PCDHA3: variants seen among roughly 807,000 people sequenced by gnomAD.
PCDHA3 encodes protocadherin alpha-3.
A neutral mutation model predicts 62.2 loss-of-function variants in PCDHA3; 41 were observed. That is an observed-to-expected ratio of 0.66 (90% CI 0.51 to 0.86). The LOEUF is 0.86. Ranked by LOEUF, PCDHA3 falls within the 40% of genes least tolerant of loss-of-function variation. The pLI is 0.00. For missense variants in PCDHA3, 1,304 were observed against 1,241.2 expected (o/e 1.05, Z -0.76); for synonymous variants, 640 against 555.4 (o/e 1.15, Z -2.14).
chr5:140,904,423 T>TTA (rs1304104435), intron 1 of PCDHA3, among the ~76,000 whole-genome samples: 1 of 151,090 alleles, frequency 6.6e-6, no homozygotes. Flanking sequence ...TACATATATT[T>TTA]TATATATATG....
chr5:140,823,659 C>G (rs1562273954), intron 1 of PCDHA3: 4 of 1,613,984 alleles, frequency 2.5e-6, no homozygotes, highest in East Asian at 4.5e-5. Flanking sequence ...TGTACACAGG[C>G]GAGATCAGCA....
chr5:140,984,359 T>A (rs1372089743), intron 3 of PCDHA3, among the ~76,000 whole-genome samples: 1 of 152,242 alleles, frequency 6.6e-6, no homozygotes, highest in Non-Finnish European at 1.5e-5. Flanking sequence ...ATTTCATACA[T>A]CTGGCCAAGT....
intron 1 of PCDHA3, among the ~76,000 whole-genome samples, chr5:140,914,439 T>G (rs1352001626): frequency 6.6e-6 from 1 of 152,192 alleles, no homozygotes; most frequent in Admixed American, 6.6e-5. Flanking sequence ...TCTTTTCCCA[T>G]GTCTTTATTT....
chr5:140,927,630 A>G (rs1408351955), intron 1 of PCDHA3: 3 of 1,614,064 alleles, frequency 1.9e-6, no homozygotes, highest in Non-Finnish European at 2.5e-6. Flanking sequence ...CAGAGACTGC[A>G]CCCAATGGGA....
intron 1 of PCDHA3, chr5:140,810,004 A>G (rs1369624194): frequency 1.3e-5 from 2 of 155,054 alleles, no homozygotes; most frequent in African/African-American, 2.4e-5. Context: ...CACTTCCCTT[A>G]TTTTTCCTCC....
rs70988781 is a variant in PCDHA3 at position 140,941,319 on chromosome 5, CTT to C, written c.2395-37616_2395-37615del. Among the ~76,000 whole-genome samples, 109 of 104,374 alleles carry C rather than the reference CTT, an allele frequency of 1.0e-3. 2 individuals are homozygous for C. Among genetic ancestry groups the C allele is most frequent in the East Asian group, 2.8e-3 (11 of 3,932 alleles). The allele number at this position is 104,374 out of a possible 152,430, so 68.5% of individuals were successfully genotyped here. A position where few individuals can be genotyped will look rare whatever the true frequency, so the allele number is the denominator to read the frequency against. ...TTCTTTCTTTCTTTTTCTTCTTTCT[CTT>C]TTTTTTTTTTTTTCAGATGGAGTCT... On this transcript the variant is annotated intron_variant, in intron 1 of 3. Coordinates refer to ENST00000522353, the MANE Select transcript of PCDHA3 (RefSeq NM_018906.3).
intron 1 of PCDHA3, among the ~76,000 whole-genome samples, chr5:140,961,208 A>T (rs1268712075): frequency 1.3e-5 from 2 of 152,164 alleles, no homozygotes; most frequent in African/African-American, 4.8e-5. Flanking sequence ...GTTGGTATTG[A>T]TGAAGAAACT....
intron 1 of PCDHA3, among the ~76,000 whole-genome samples, chr5:140,894,474 T>C (rs1333675195): frequency 6.6e-6 from 1 of 152,022 alleles, no homozygotes; most frequent in Non-Finnish European, 1.5e-5. Flanking sequence ...TTATTCTTGT[T>C]TTCATCTTAT....
chr5:140,876,718 G>A (rs1554168825), intron 1 of PCDHA3: 4 of 1,614,124 alleles, frequency 2.5e-6, no homozygotes, highest in African/African-American at 2.7e-5. Context: ...CCTGGACCGC[G>A]AGAGCGTGTC....
intron 1 of PCDHA3, chr5:140,836,622 A>AGCTGGTCATTCTCCCAGCAGAGGCG (rs2150266108): frequency 1.2e-6 from 2 of 1,613,448 alleles, no homozygotes; most frequent in Non-Finnish European, 1.7e-6. Context: ...CGCGGTGGGG[A>AGCTGGTCATTCTCCCAGCAGAGGCG]GCTGGTCATT....
intron 1 of PCDHA3, among the ~76,000 whole-genome samples, chr5:140,893,595 T>C (rs13187419): frequency 0.05 from 7,691 of 152,298 alleles, 276 homozygotes; most frequent in Non-Finnish European, 0.072. Context: ...GGAAATACTT[T>C]ATTTCTCCTT....
chr5:140,972,820 C>A (rs1247488574), intron 1 of PCDHA3, among the ~76,000 whole-genome samples: 3 of 151,964 alleles, frequency 2.0e-5, no homozygotes, highest in Admixed American at 6.6e-5. Context: ...CGCGCCACCA[C>A]GCCTGGCTAA....
Position 140,928,713 on chromosome 5 carries a change from T to C in PCDHA3, c.2395-50236T>C, listed in dbSNP as rs535812769. The C allele has an allele frequency of 3.1e-6, 5 of 1,614,142 alleles. No individual in the cohort carries two copies. In the African/African-American group the frequency reaches 6.7e-5, roughly 22 times the overall value. ...ACATCTCCCGGGCGTCTGACTCTAG[T>C]CTCTTTAGAATTTCAGCCAATATAG... On this transcript the variant is annotated intron_variant, in intron 1 of 3. Coordinates refer to ENST00000522353, the MANE Select transcript of PCDHA3 (RefSeq NM_018906.3).
intron 1 of PCDHA3, chr5:140,927,200 A>C (rs2083965383): frequency 6.2e-7 from 1 of 1,613,898 alleles, no homozygotes; most frequent in Non-Finnish European, 8.5e-7. Context: ...GTGCTCGAGG[A>C]CCCGCTGGAG....
intron 3 of PCDHA3, among the ~76,000 whole-genome samples, chr5:141,005,559 G>A (rs980622255): frequency 6.6e-6 from 1 of 151,190 alleles, no homozygotes; most frequent in Admixed American, 6.6e-5. Flanking sequence ...AAAATTAGCC[G>A]GGCATGGTGG....
intron 1 of PCDHA3, chr5:140,966,561 G>T: frequency 2.0e-6 from 1 of 488,962 alleles, no homozygotes; most frequent in African/African-American, 2.0e-5. Flanking sequence ...GGAGGAGCTG[G>T]AATATGGGGA....
rs782467193 is a variant in PCDHA3, at chr5:140,884,498, G to A, written c.2394+80907G>A. 8.1e-6 allele frequency: 13 copies of A among 1,613,958 alleles called. No homozygotes were observed. The Admixed American group carries it at 8.3e-5, about 10-fold the overall frequency. On this transcript the variant is annotated intron_variant, in intron 1 of 3. Transcript: ENST00000522353. ...CAAGCCCACTCTAGTGTGCTCCAGC[G>A]CGGCAGGGAGTTGGTCGTACTCGCA...
chr5:140,970,854 T>TC (rs112843531), intron 1 of PCDHA3, among the ~76,000 whole-genome samples: 13,960 of 152,238 alleles, frequency 0.092, 852 homozygotes, highest in African/African-American at 0.17. Context: ...GCACAAAAGT[T>TC]CCATTCCTGA....
chr5:140,874,215 G>A (rs2054781939), intron 1 of PCDHA3, among the ~76,000 whole-genome samples: 1 of 152,180 alleles, frequency 6.6e-6, no homozygotes, highest in Non-Finnish European at 1.5e-5. Context: ...ATTATTATAT[G>A]CAGTAGGAAT....
Sources: allele counts gnomAD v4.1 joint callset (sites outside exome capture counted in the v4.1 genomes callset), GRCh38; gene constraint gnomAD v4.1.1; transcripts MANE v1.5; gene names NCBI Gene and HGNC (gene_info 2026-07-23, HGNC 2026-07-21).